The following PKD1L1 variants were observed in gnomAD, a reference collection of about 807,000 sequenced individuals.
The protein encoded by PKD1L1 is polycystin-1-like protein 1.
A neutral mutation model predicts 323.4 loss-of-function variants in PKD1L1; 236 were observed. The observed-to-expected ratio is 0.73, with a 90% CI of 0.66 to 0.81. The LOEUF is 0.81. Among genes scored for constraint, PKD1L1 ranks in the 40% least tolerant of loss-of-function variants. PKD1L1 has a pLI of 0.00. For synonymous variants in PKD1L1, 1,344 were observed against 1,335.0 expected (o/e 1.01, Z -0.15); for missense variants, 3,320 against 3,508.0 (o/e 0.95, Z 1.35).
At chr7:47,844,686 C>T (rs1354191828) in intron 33 of PKD1L1, among the ~76,000 whole-genome samples, 1 of 152,076 alleles carries the variant, frequency 6.6e-6, no homozygotes, top group Non-Finnish European at 1.5e-5. Flanking sequence ...AGATATCAAC[C>T]CTATCAATAA....
At position 47,901,327 on chromosome 7, in the gene PKD1L1, CAAAAAAA is replaced by C. The variant is rs71699736; in HGVS notation, c.2064+1045_2064+1051del. Among the ~76,000 whole-genome samples the C allele has an allele frequency of 9.6e-5, 6 of 62,608 alleles. No homozygotes were observed. In the South Asian group the frequency reaches 1.8e-3, roughly 19 times the overall value. 41.1% of individuals were successfully genotyped at this position (62,608 alleles called of 152,430 possible). A position where few individuals can be genotyped will look rare whatever the true frequency, so the allele number is the denominator to read the frequency against. ...CACTCCAGCCTGGGCAACAGAGTCT[CAAAAAAA>C]AAAAAAAAAAAAAAGAAAAGAAAAA... On this transcript the variant is annotated intron_variant, in intron 13 of 56. Transcript: ENST00000289672.
intron 44 of PKD1L1, 43 bp downstream of exon 44, chr7:47,829,381 GT>G: frequency 2.0e-6 from 3 of 1,529,422 alleles, no homozygotes; most frequent in African/African-American, 2.8e-5. Context: ...ATATAAAGTA[GT>G]TTTTTAAATC....
chr7:47,884,156 T>G, intron 19 of PKD1L1, among the ~76,000 whole-genome samples: 1 of 131,742 alleles, frequency 7.6e-6, no homozygotes, highest in Non-Finnish European at 1.5e-5. Context: ...AGCTGGTGTG[T>G]GTGTGTGTGT....
intron 3 of PKD1L1, among the ~76,000 whole-genome samples, chr7:47,938,237 CA>C (rs1787909393): frequency 6.6e-6 from 1 of 152,170 alleles, no homozygotes; most frequent in African/African-American, 2.4e-5. Context: ...AACTACAGGA[CA>C]TCAGGTGCTT....
At chr7:47,889,099 T>C (rs1332158499) in intron 16 of PKD1L1, among the ~76,000 whole-genome samples, 2 of 152,010 alleles carry the variant, frequency 1.3e-5, no homozygotes, top group African/African-American at 4.8e-5. Flanking sequence ...GCTGTGTGTG[T>C]GTGTGAAAGG....
the PKD1L1 span, among the ~76,000 whole-genome samples, chr7:47,958,633 A>G: frequency 6.6e-6 from 1 of 152,248 alleles, no homozygotes; most frequent in African/African-American, 2.4e-5. Context: ...CAAAGGAAAC[A>G]ACCGATAGTG....
chr7:47,849,501 G>A (rs536449529), intron 31 of PKD1L1, among the ~76,000 whole-genome samples: 4 of 151,902 alleles, frequency 2.6e-5, no homozygotes, highest in Non-Finnish European at 5.9e-5. Flanking sequence ...CAAATCGCAA[G>A]AAAAAACAAA....
chr7:47,897,135 C>T (rs902574621), intron 14 of PKD1L1, among the ~76,000 whole-genome samples: 1 of 152,162 alleles, frequency 6.6e-6, no homozygotes, highest in African/African-American at 2.4e-5. Flanking sequence ...CATTTGCCAT[C>T]GCTGTGACAT....
At chr7:47,849,583 A>G (rs1010231401) in intron 31 of PKD1L1, among the ~76,000 whole-genome samples, 1 of 152,216 alleles carries the variant, frequency 6.6e-6, no homozygotes, top group Non-Finnish European at 1.5e-5. Context: ...TGGCTAAAAA[A>G]TACTCAACAC....
At chr7:47,856,806 A>AT (rs35116327) in intron 28 of PKD1L1, among the ~76,000 whole-genome samples, 2 of 152,182 alleles carry the variant, frequency 1.3e-5, no homozygotes, top group South Asian at 2.1e-4. Context: ...AAAGATGAGC[A>AT]TTTTTTGACC....
At chr7:47,914,526 G>C (rs1287895367) in intron 8 of PKD1L1, among the ~76,000 whole-genome samples, 1 of 152,230 alleles carries the variant, frequency 6.6e-6, no homozygotes, top group African/African-American at 2.4e-5. Flanking sequence ...CAAAGGAAGA[G>C]GCTTGGGCCA....
rs1787046090 is a variant in PKD1L1, at chr7:47,899,919, GCACTCC to G, written c.2065-1731_2065-1726del. ...TGCAGTGAGCCCAGATTGCACCACT[GCACTCC>G]CTCCTAGGCAACAGAGCGAGACTCC... On this transcript the variant is annotated intron_variant, in intron 13 of 56. Coordinates refer to ENST00000289672, the MANE Select transcript of PKD1L1 (RefSeq NM_138295.5). Among the ~76,000 whole-genome samples the G allele has an allele frequency of 3.0e-5, 4 of 134,776 alleles. No homozygotes were observed. The South Asian group carries it at 9.2e-4, about 31-fold the overall frequency. The allele number at this position is 134,776 out of a possible 152,430, so 88.4% of individuals were successfully genotyped here. A position where few individuals can be genotyped will look rare whatever the true frequency, so the allele number is the denominator to read the frequency against.
At chr7:47,932,200 TCAGG>T in intron 4 of PKD1L1, 144 bp from the exon 5 acceptor site, 1 of 1,344,964 alleles carries the variant, frequency 7.4e-7, no homozygotes, top group Non-Finnish European at 1.0e-6. Context: ...TTCCTGGGAG[TCAGG>T]CCCAGGCTGA....
chr7:47,850,370 G>A lies in PKD1L1; in HGVS notation c.4960+2757C>T, dbSNP rs142691303. 2.7e-4 allele frequency among the ~76,000 whole-genome samples: 41 copies of A among 152,200 alleles called. No homozygotes were observed. In the East Asian group the frequency reaches 7.9e-3, roughly 29 times the overall value. ...AATGGGGACGGGCGCCGTGGCTCACGCCTGTAATCCCAGCACTTTGGGACG... is the reference window on the plus strand; with the variant it reads ...AATGGGGACGGGCGCCGTGGCTCACACCTGTAATCCCAGCACTTTGGGACG... On this transcript the variant is annotated intron_variant, in intron 31 of 56. Transcript: ENST00000289672.
At chr7:47,821,963 A>C (rs979985573) in intron 45 of PKD1L1, among the ~76,000 whole-genome samples, 3 of 152,112 alleles carry the variant, frequency 2.0e-5, no homozygotes, top group Non-Finnish European at 4.4e-5. Context: ...TGCTTGGATT[A>C]CAGGCATGAG....
rs370172190 is a variant in PKD1L1, at chr7:47,858,730, C to T, written c.4305G>A (p.Ser1435=). Residue 1435 remains serine (S), a synonymous_variant, in exon 27 of 57, where the codon TCG becomes TCA. Coordinates refer to ENST00000289672, the MANE Select transcript of PKD1L1 (RefSeq NM_138295.5). Reference sequence around the variant, plus strand: ...CTTCATGTCGATAGACTTCCTCCTTCGAGTTTTCTTGCTCAGAGACTTCCC... The same window carrying T: ...CTTCATGTCGATAGACTTCCTCCTTTGAGTTTTCTTGCTCAGAGACTTCCC... ...RVWEVSEQEN[S]KEEVYRHEEG... The T allele has an allele frequency of 1.2e-5, 20 of 1,613,990 alleles. No individual in the cohort carries two copies. In the African/African-American group the frequency reaches 1.5e-4, roughly 12 times the overall value.
At chr7:47,801,683 G>A (rs1013269964) in intron 53 of PKD1L1, among the ~76,000 whole-genome samples, 5 of 152,182 alleles carry the variant, frequency 3.3e-5, no homozygotes, top group Non-Finnish European at 5.9e-5. Flanking sequence ...ACTAGGACTC[G>A]TTTTAGTATT....
At position 47,833,097 on chromosome 7, in the gene PKD1L1, G is replaced by A. The variant is rs1303392691; in HGVS notation, c.6330C>T (p.His2110=). The A allele has an allele frequency of 1.9e-6, 3 of 1,610,866 alleles. No individual in the cohort carries two copies. The highest frequency in any genetic ancestry group is 8.5e-7 in the Non-Finnish European group (1 of 1,178,694). Residue 2110 remains histidine (H), a synonymous_variant, in exon 41 of 57, where the codon CAC becomes CAT. Transcript: ENST00000289672. ...LMGKSHCCPP[H]TQAPSSGLEG... is the part of the protein sequence containing the mutation. The stretch of plus-strand genomic sequence containing the variant: ...GTTGCAAGCCACAGTTACCTTGAGT[G>A]TGGGGAGGGCAGCAGTGGCTTTTCC...
At chr7:47,789,781 C>A (rs1160923589) in intron 56 of PKD1L1, among the ~76,000 whole-genome samples, 2 of 152,128 alleles carry the variant, frequency 1.3e-5, no homozygotes, top group East Asian at 1.9e-4. Flanking sequence ...TAAATACATA[C>A]AATTATCTTT....
Sources: gnomAD v4.1 joint callset for allele counts (sites outside exome capture counted in the v4.1 genomes callset) on GRCh38, gnomAD v4.1.1 for gene constraint, MANE v1.5 for transcripts, NCBI Gene and HGNC (gene_info 2026-07-23, HGNC 2026-07-21) for gene names.